Variants in CEP128 observed in about 807,000 individuals in gnomAD.
CEP128 encodes centrosomal protein 128.
In CEP128, 132 loss-of-function variants were observed where a neutral mutation model predicts 156.7. That is an observed-to-expected ratio of 0.84 (90% CI 0.73 to 0.97). CEP128 has a LOEUF of 0.97. Among genes scored for constraint, CEP128 ranks in the 50% least tolerant of loss-of-function variants. The probability of loss-of-function intolerance (pLI) is 0.00; values close to 1 mark genes in which losing one functional copy is unlikely to be tolerated. For synonymous variants in CEP128, 469 were observed against 448.9 expected, an observed-to-expected ratio of 1.04 and a Z score of -0.57; for missense variants, 1,252 against 1,281.9, an observed-to-expected ratio of 0.98 and a Z score of 0.36.
At chr14:80,840,618 A>C in intron 10 of CEP128, 64 bp downstream of exon 10, 1 of 986,400 alleles carries the variant, frequency 1.0e-6, no homozygotes, top group Non-Finnish European at 1.6e-6. Context: ...TTTTCAAGGC[A>C]CTCAACAAAT....
intron 22 of CEP128, among the ~76,000 whole-genome samples, chr14:80,527,503 T>C (rs527690851): frequency 1.5e-4 from 23 of 151,606 alleles, no homozygotes; most frequent in African/African-American, 5.3e-4. Flanking sequence ...ATACAATGCA[T>C]CCTACAGTGG....
At chr14:80,711,816 T>C (rs1371663853) in intron 19 of CEP128, among the ~76,000 whole-genome samples, 1 of 152,118 alleles carries the variant, frequency 6.6e-6, no homozygotes, top group Non-Finnish European at 1.5e-5. Context: ...AAGTATCTCA[T>C]GTACCCCATA....
intron 8 of CEP128, among the ~76,000 whole-genome samples, chr14:80,871,143 A>G (rs1027305154): frequency 6.6e-6 from 1 of 152,146 alleles, no homozygotes; most frequent in South Asian, 2.1e-4. Flanking sequence ...AGAAAGCCAC[A>G]TAACGTAGGC....
intron 21 of CEP128, among the ~76,000 whole-genome samples, chr14:80,538,637 G>A (rs200520744): frequency 3.9e-5 from 6 of 152,174 alleles, no homozygotes; most frequent in Admixed American, 6.5e-5. Flanking sequence ...GGTGCATTTC[G>A]AAGTACATTG....
At chr14:80,727,685 C>T (rs188192841) in intron 19 of CEP128, among the ~76,000 whole-genome samples, 108 of 152,164 alleles carry the variant, frequency 7.1e-4, no homozygotes, top group African/African-American at 2.5e-3. Context: ...CAAAAATAAA[C>T]AACCCCATTA....
intron 19 of CEP128, among the ~76,000 whole-genome samples, chr14:80,620,301 T>G (rs762764566): frequency 6.6e-6 from 1 of 152,046 alleles, no homozygotes; most frequent in African/African-American, 2.4e-5. Context: ...AGTGGTCGAC[T>G]AAGGAGACAA....
intron 16 of CEP128, among the ~76,000 whole-genome samples, chr14:80,763,546 A>T (rs1393887599): frequency 6.6e-6 from 1 of 152,128 alleles, no homozygotes; most frequent in African/African-American, 2.4e-5. Flanking sequence ...CTTATCCTTC[A>T]AAGTTTATCC....
chr14:80,677,508 CA>C (rs57636757), intron 19 of CEP128, among the ~76,000 whole-genome samples: 14,250 of 93,854 alleles, frequency 0.15, 939 homozygotes, highest in South Asian at 0.32. Context: ...GACTCCGTCT[CA>C]AAAAAAAAAA....
At chr14:80,672,261 T>C (rs1895871817) in intron 19 of CEP128, among the ~76,000 whole-genome samples, 1 of 151,642 alleles carries the variant, frequency 6.6e-6, no homozygotes, top group Admixed American at 6.6e-5. Context: ...TGTTTCTCTC[T>C]GAAATTTACA....
intron 14 of CEP128, among the ~76,000 whole-genome samples, chr14:80,787,775 A>G (rs1410551651): frequency 6.6e-6 from 1 of 152,174 alleles, no homozygotes; most frequent in African/African-American, 2.4e-5. Context: ...TTAAAATCAT[A>G]TTTTCATAAT....
chr14:80,735,968 A>G (rs1370583531), intron 19 of CEP128, among the ~76,000 whole-genome samples: 1 of 152,136 alleles, frequency 6.6e-6, no homozygotes, highest in African/African-American at 2.4e-5. Flanking sequence ...CTAGAACCTT[A>G]ATTTTTTCCA....
At chr14:80,829,404 T>C (rs1885661431) in intron 13 of CEP128, among the ~76,000 whole-genome samples, 1 of 152,208 alleles carries the variant, frequency 6.6e-6, no homozygotes, top group African/African-American at 2.4e-5. Flanking sequence ...CTGCATCAAC[T>C]TTATTTTTAT....
intron 19 of CEP128, among the ~76,000 whole-genome samples, chr14:80,712,477 T>C (rs1175961867): frequency 6.6e-6 from 1 of 152,088 alleles, no homozygotes; most frequent in Non-Finnish European, 1.5e-5. Flanking sequence ...CAGAGAGGTG[T>C]TCACACTGTC....
intron 2 of CEP128, chr14:80,955,645 C>T (rs761250985): frequency 6.2e-6 from 10 of 1,612,348 alleles, no homozygotes; most frequent in Non-Finnish European, 8.5e-6. Flanking sequence ...GAGGCGATTT[C>T]GGAGGATGGA....
At chr14:80,617,064 C>G (rs1246250944) in intron 19 of CEP128, among the ~76,000 whole-genome samples, 2 of 150,784 alleles carry the variant, frequency 1.3e-5, no homozygotes, top group Non-Finnish European at 2.9e-5. Context: ...ATTCTGCAAG[C>G]AATAAATTGT....
At chr14:80,595,472 TA>T (rs920956927) in intron 19 of CEP128, among the ~76,000 whole-genome samples, 12 of 151,912 alleles carry the variant, frequency 7.9e-5, no homozygotes, top group African/African-American at 2.9e-4. Context: ...AAAGTACAAT[TA>T]AAAAAATTAA....
intron 2 of CEP128, among the ~76,000 whole-genome samples, chr14:80,926,893 T>A (rs542700317): frequency 1.4e-3 from 216 of 152,304 alleles, no homozygotes; most frequent in African/African-American, 5.1e-3. Flanking sequence ...CTACTACAGC[T>A]GGCATTTGAG....
intron 21 of CEP128, among the ~76,000 whole-genome samples, chr14:80,550,365 A>G (rs1475221319): frequency 1.3e-5 from 2 of 152,142 alleles, no homozygotes; most frequent in Non-Finnish European, 2.9e-5. Context: ...AGTTATCTAA[A>G]TGTTTTTAAT....
chr14:80,534,506 T>C (rs558470791), intron 21 of CEP128, among the ~76,000 whole-genome samples: 162 of 152,298 alleles, frequency 1.1e-3, no homozygotes, highest in Non-Finnish European at 2.0e-3. Flanking sequence ...TCTCATGCCT[T>C]AAAGGGCATG....
Sources: allele counts gnomAD v4.1 joint callset (sites outside exome capture counted in the v4.1 genomes callset), GRCh38; gene constraint gnomAD v4.1.1; transcripts MANE v1.5; gene names NCBI Gene and HGNC (gene_info 2026-07-23, HGNC 2026-07-21).